The following FHOD1 variants were observed in gnomAD, a reference collection of about 807,000 sequenced individuals.
FHOD1 encodes formin homology 2 domain containing 1, also known as FH1/FH2 domain-containing protein 1.
Under a neutral mutation model 111.6 loss-of-function variants are expected in FHOD1, and 89 were observed. The ratio of observed to expected loss-of-function variants is 0.80; its 90% CI spans 0.67 to 0.95. The LOEUF is 0.95. FHOD1 is among the 40% of genes least tolerant of loss of function. The pLI, the probability that FHOD1 is intolerant of heterozygous loss-of-function variation, is 0.00. For synonymous variants in FHOD1, 618 were observed against 639.0 expected (o/e 0.97, Z 0.50); for missense variants, 1,446 against 1,554.2 (o/e 0.93, Z 1.17).
At position 67,231,058 on chromosome 16, in the gene FHOD1, GCT is replaced by G. The variant is rs2034248064; in HGVS notation, c.2667+128_2667+129del. The G allele has an allele frequency of 8.2e-6, 10 of 1,218,224 alleles. No homozygotes were observed. Among genetic ancestry groups the G allele is most frequent in the Non-Finnish European group, 1.2e-5 (10 of 868,684 alleles). The allele number at this position is 1,218,224 out of a possible 1,614,324, so 75.5% of individuals were successfully genotyped here. A position where few individuals can be genotyped will look rare whatever the true frequency, so the allele number is the denominator to read the frequency against. ...AAGAGCATTTCTGGCAGAGGGCATA[GCT>G]CACACCCAGGTGGCTGGAGCAAGCC... On this transcript the variant is annotated intron_variant, in intron 17 of 21. Transcript: ENST00000258201. The surrounding 1 kb of genome is among the most constrained non-coding windows in gnomAD (Gnocchi z 4.3).
chr16:67,235,645 T>A (rs2034449772), intron 11 of FHOD1, among the ~76,000 whole-genome samples: 1 of 151,680 alleles, frequency 6.6e-6, no homozygotes, highest in African/African-American at 2.4e-5. Context: ...CTCTGTCAGC[T>A]CTCAGTCCCT....
Position 67,237,505 on chromosome 16 carries a change from C to A in FHOD1, c.819G>T (p.Leu273Phe), listed in dbSNP as rs748236698. 7 of 1,614,216 alleles carry A rather than the reference C, an allele frequency of 4.3e-6. No homozygotes were observed. The South Asian group carries it at 7.7e-5, about 18-fold the overall frequency. ...LEEKNGADPE[L>F]LVYTVTLINK... is the part of the protein sequence containing the mutation. ...TGATGAGGGTGACCGTGTACACCAA[C>A]AACTCAGGGTCAGCGCCATTCTTCT... The change falls in exon 8 of 22, where the codon TTG becomes TTT. Residue 273 changes from leucine (L) to phenylalanine (F), a missense_variant. Coordinates refer to ENST00000258201, the MANE Select transcript of FHOD1 (RefSeq NM_013241.3). The surrounding 1 kb of genome is among the most constrained non-coding windows in gnomAD (Gnocchi z 5.6).
At chr16:67,243,737 G>A (rs1203034756) in intron 1 of FHOD1, among the ~76,000 whole-genome samples, 1 of 152,172 alleles carries the variant, frequency 6.6e-6, no homozygotes, top group African/African-American at 2.4e-5. Flanking sequence ...CATCCTCTTA[G>A]TTTTCTGGAC....
chr16:67,233,887 G>C lies in FHOD1; in HGVS notation c.1816C>G (p.Leu606Val). The C allele has an allele frequency of 6.3e-7, 1 of 1,597,996 alleles. No individual in the cohort carries two copies. The change falls in exon 13 of 22, where the codon CTG (leucine) becomes GTG (valine). Residue 606 changes from leucine to valine, a missense_variant. By Grantham distance (32) the Leu-to-Val change is conservative. This residue lies in a region of FHOD1 where 1,085 missense variants were observed against 1,108.8 expected (regional missense o/e 0.98). Coordinates refer to ENST00000258201, the MANE Select transcript of FHOD1 (RefSeq NM_013241.3). ...GPFPPPPPLP[L>V]AAPLPHSVPD... ...ACTGAATGGGGAAGAGGGGCAGCCAGAGGTAGAGGTGGAGGTGGTGGGAAG... is the reference window on the plus strand; with the variant it reads ...ACTGAATGGGGAAGAGGGGCAGCCACAGGTAGAGGTGGAGGTGGTGGGAAG...
chr16:67,230,542 T>C, intron 18 of FHOD1, 36 bp from the exon 19 acceptor site: 1 of 1,613,304 alleles, frequency 6.2e-7, no homozygotes, highest in Non-Finnish European at 8.5e-7. Context: ...CAGTAAGTCC[T>C]GCTTATTGTC....
rs527827835 is a variant in FHOD1, at chr16:67,233,962, C to T, written c.1741G>A (p.Gly581Arg). 72 of 1,606,722 alleles carry T rather than the reference C, an allele frequency of 4.5e-5. 1 individual carries two copies. In the South Asian group the frequency reaches 7.5e-4, roughly 17 times the overall value. Residue 581 changes from glycine to arginine, a missense_variant, in exon 13 of 22, where the codon GGA becomes AGA. By Grantham distance (125) the Gly-to-Arg change is moderately radical (BLOSUM62 -2). Around this residue, in one of 3 missense-constraint regions of FHOD1, gnomAD observed 1,085 missense variants for 1,108.8 expected, o/e 0.98. Coordinates refer to ENST00000258201, the MANE Select transcript of FHOD1 (RefSeq NM_013241.3). The part of the protein sequence containing the change: ...APSPPLPLLS[G>R]VPPPPPLPPP... ...GGAAGTGGGGGAGGGGGGGGTACTC[C>T]CGAGAGCAGGGGCAGTGGGGGTGAG...
In FHOD1 at chr16:67,229,440, ACACATG is replaced by A. The variant is rs2034154227; in HGVS notation, c.*190_*195del. The stretch of plus-strand genomic sequence containing the variant: ...TGCTCCGTGCGTTCAAGGAGCTCAC[ACACATG>A]CACATGCATATGCATGCACACACAC... On this transcript the variant is annotated 3_prime_UTR_variant, in exon 22 of 22. Transcript: ENST00000258201. The A allele has an allele frequency of 1.6e-6, 1 of 614,584 alleles. No individual in the cohort carries two copies. Among genetic ancestry groups the A allele is most frequent in the South Asian group, 2.0e-5 (1 of 49,650 alleles). The allele number at this position is 614,584 out of a possible 1,614,324, so 38.1% of individuals were successfully genotyped here.
intron 1 of FHOD1, among the ~76,000 whole-genome samples, chr16:67,242,962 G>T (rs1287306984): frequency 6.6e-6 from 1 of 150,630 alleles, no homozygotes; most frequent in Non-Finnish European, 1.5e-5. Context: ...TATATATATA[G>T]CTATGTATCT....
At chr16:67,243,146 T>C (rs2034714098) in intron 1 of FHOD1, among the ~76,000 whole-genome samples, 2 of 152,228 alleles carry the variant, frequency 1.3e-5, no homozygotes, top group African/African-American at 2.4e-5. Context: ...GGCAGGATTA[T>C]AGGCTGAAGG....
chr16:67,232,480 T>C (rs1459813662), intron 13 of FHOD1, among the ~76,000 whole-genome samples: 1 of 146,178 alleles, frequency 6.8e-6, no homozygotes, highest in African/African-American at 2.6e-5. Flanking sequence ...GATCACACCA[T>C]TGCACTACAT....
In FHOD1 at chr16:67,234,135, C is replaced by T; in HGVS notation, c.1568G>A (p.Ser523Asn). Residue 523 changes from serine (S) to asparagine (N), a missense_variant, in exon 13 of 22, where the codon AGC becomes AAC. Coordinates refer to ENST00000258201, the MANE Select transcript of FHOD1 (RefSeq NM_013241.3). ...CTCCCAGATGGGCTCAGCCTTGGGG[C>T]TTGCTGGTATCAGTGGCTCCTTGGG... ...PEPKEPLIPA[S>N]PKAEPIWELP... 2 of 1,570,888 alleles carry T rather than the reference C, an allele frequency of 1.3e-6. No homozygotes were observed. Among genetic ancestry groups the T allele is most frequent in the South Asian group, 1.2e-5 (1 of 84,310 alleles).
In FHOD1 at chr16:67,237,621, T is replaced by G; in HGVS notation, c.754+36A>C. On this transcript the variant is annotated intron_variant, in intron 7 of 21. Transcript: ENST00000258201. This position sits in a 1 kb window ranked among gnomAD's most constrained non-coding sequence, Gnocchi z 5.6. ...TGGGGGAACAGGTAGGAGAGAGGGC[T>G]CTGAGCGGTGGGGGGAGAAAGGGAC... 6.2e-7 allele frequency: 1 copy of G among 1,613,230 alleles called. No homozygotes were observed. The highest frequency in any genetic ancestry group is 8.5e-7 in the Non-Finnish European group (1 of 1,179,220).
At chr16:67,239,491 AGGT>A in intron 1 of FHOD1, 37 bp from the exon 2 acceptor site, 1 of 1,526,966 alleles carries the variant, frequency 6.5e-7, no homozygotes. Flanking sequence ...ACTGAGGAAG[AGGT>A]GGCAGGCGAA....
At chr16:67,233,532 C>G (rs2034355660) in intron 13 of FHOD1, 125 bp downstream of exon 13, 5 of 1,346,014 alleles carry the variant, frequency 3.7e-6, no homozygotes, top group Non-Finnish European at 4.0e-6. Context: ...GGACAATTTC[C>G]TACTCCTTTC....
chr16:67,236,895 C>T, intron 10 of FHOD1, 71 bp downstream of exon 10: 1 of 1,519,390 alleles, frequency 6.6e-7, no homozygotes, highest in Non-Finnish European at 8.8e-7. Context: ...GGGTTGGGGT[C>T]AGGGCCTGTC....
In FHOD1 at chr16:67,238,183, G is replaced by T; in HGVS notation, c.547+19C>A. 6.2e-7 allele frequency: 1 copy of T among 1,613,916 alleles called. No individual in the cohort carries two copies. The highest frequency in any genetic ancestry group is 8.5e-7 in the Non-Finnish European group (1 of 1,179,778). On this transcript the variant is annotated intron_variant, in intron 5 of 21. Coordinates refer to ENST00000258201, the MANE Select transcript of FHOD1 (RefSeq NM_013241.3). This position sits in a 1 kb window ranked among gnomAD's most constrained non-coding sequence, Gnocchi z 4.2. The stretch of plus-strand genomic sequence containing the variant: ...GAGGGTCGCTGGAGCAGAGGTCATG[G>T]GAGAGGGGCGGGGCTGACCTCTAAG...
chr16:67,239,434 T>A lies in FHOD1; in HGVS notation c.222A>T (p.Gln74His), dbSNP rs1442166694. 11 of 1,613,918 alleles carry A rather than the reference T, an allele frequency of 6.8e-6. No individual in the cohort carries two copies. Among genetic ancestry groups the A allele is most frequent in the Non-Finnish European group, 8.5e-6 (10 of 1,179,958 alleles). ...CCAGGTAGTATCCGGAGGGAGACAC[T>A]TGCAGAGCACAATCCTCCAACTGGG... ...APLKLEDCAL[Q>H]VSPSGYYLDT... The change falls in exon 2 of 22, where the codon CAA (glutamine) becomes CAT (histidine). Residue 74 changes from glutamine to histidine, a missense_variant. By Grantham distance (24) the Gln-to-His change is conservative. This residue lies in a region of FHOD1 where 127 missense variants were observed against 118.0 expected (regional missense o/e 1.08). Coordinates refer to ENST00000258201, the MANE Select transcript of FHOD1 (RefSeq NM_013241.3).
chr16:67,231,115 G>C lies in FHOD1; in HGVS notation c.2667+73C>G. 6.4e-7 allele frequency: 1 copy of C among 1,567,484 alleles called. No homozygotes were observed. The highest frequency in any genetic ancestry group is 1.2e-5 in the South Asian group (1 of 84,604). On this transcript the variant is annotated intron_variant, in intron 17 of 21. Transcript: ENST00000258201. This position sits in a 1 kb window ranked among gnomAD's most constrained non-coding sequence, Gnocchi z 4.3. ...CACAGCAGCCCAAATGGGGAGAAGG[G>C]GGAGGAGCCAGGCCCAGGAAGCAGC... is the stretch of plus-strand genomic sequence containing the variant.
At chr16:67,234,810 C>A (rs760738890) in intron 11 of FHOD1, 1 of 272,006 alleles carries the variant, frequency 3.7e-6, no homozygotes, top group Non-Finnish European at 7.2e-6. Flanking sequence ...CTGTCAGTCA[C>A]CCAGGCTGGA....
Sources: allele counts gnomAD v4.1 joint callset (sites outside exome capture counted in the v4.1 genomes callset), GRCh38; gene constraint gnomAD v4.1.1; regional missense constraint gnomAD v4.1.1; non-coding constraint Gnocchi (gnomAD v3.1); transcripts MANE v1.5; gene names NCBI Gene and HGNC (gene_info 2026-07-23, HGNC 2026-07-21).